The following LPIN1 variants were observed in gnomAD, a reference collection of about 807,000 sequenced individuals.
LPIN1 encodes the protein lipin 1.
LPIN1 carries 71 observed loss-of-function variants against 107.5 expected under a neutral mutation model. That is an observed-to-expected ratio of 0.66 (90% CI 0.55 to 0.80). The LOEUF (loss-of-function observed/expected upper bound fraction) is 0.80, where lower values mean the gene tolerates loss of function less well. LPIN1 is among the 30% of genes least tolerant of loss of function. LPIN1 has a pLI of 0.00. For synonymous variants in LPIN1, 445 were observed against 452.6 expected, an observed-to-expected ratio of 0.98 and a Z score of 0.21; for missense variants, 1,043 against 1,160.6, an observed-to-expected ratio of 0.90 and a Z score of 1.47.
Position 11,741,465 on chromosome 2 carries a change from G to C in LPIN1, c.9+37G>C, listed in dbSNP as rs1484883411. The C allele has an allele frequency of 7.1e-6, 10 of 1,414,338 alleles. No homozygotes were observed. In the Admixed American group the frequency reaches 1.6e-4, roughly 22 times the overall value. The allele number at this position is 1,414,338 out of a possible 1,614,324, so 87.6% of individuals were successfully genotyped here. ...TGTTCAGTAGTTCTATTACTGTTAAGGTGTTATGACCATTAGATAAATAAT... is the reference window on the plus strand; with the variant it reads ...TGTTCAGTAGTTCTATTACTGTTAACGTGTTATGACCATTAGATAAATAAT... On this transcript the variant is annotated intron_variant, in intron 2 of 21. Coordinates refer to the LPIN1 transcript ENST00000396097.
intron 1 of LPIN1, among the ~76,000 whole-genome samples, chr2:11,704,474 G>A (rs1663031384): frequency 1.3e-5 from 2 of 152,120 alleles, no homozygotes; most frequent in South Asian, 2.1e-4. Flanking sequence ...GTAGCAGCCC[G>A]CACTGGAGGT....
intron 1 of LPIN1, among the ~76,000 whole-genome samples, chr2:11,737,743 C>T (rs1665933756): frequency 6.6e-6 from 1 of 152,212 alleles, no homozygotes; most frequent in Non-Finnish European, 1.5e-5. Context: ...ACAACAGATG[C>T]TGGAGAGGAT....
In LPIN1 at chr2:11,728,928, A is replaced by C. The variant is rs184501865; in HGVS notation, c.-72+4389A>C. Among the ~76,000 whole-genome samples the C allele has an allele frequency of 2.8e-3, 428 of 151,864 alleles. 5 individuals are homozygous for C. The highest frequency in any genetic ancestry group is 5.0e-3 in the Non-Finnish European group (338 of 67,940). The stretch of plus-strand genomic sequence containing the variant: ...TTCATGAGATGAGTAGCTTGCAAAA[A>C]TTTTCTCCCATTCTGTAGGTTGCCC... On this transcript the variant is annotated intron_variant, in intron 1 of 21. Transcript: ENST00000396097.
chr2:11,700,477 CTCTCTCTCTCGCTCTCAT>C (rs1345614898), intron 1 of LPIN1, among the ~76,000 whole-genome samples: 1 of 151,350 alleles, frequency 6.6e-6, no homozygotes, highest in Non-Finnish European at 1.5e-5. Flanking sequence ...AGCTCTCTCT[CTCTCTCTCTCGCTCTCAT>C]TCTCTCTCTC....
upstream of LPIN1, chr2:11,677,577 C>A: frequency 1.7e-6 from 2 of 1,155,652 alleles, no homozygotes; most frequent in Non-Finnish European, 2.5e-6. Context: ...AGCTTCTGAG[C>A]CGGTGTTGCC....
At chr2:11,812,390 A>G (rs1679820911) in intron 17 of LPIN1, among the ~76,000 whole-genome samples, 1 of 152,096 alleles carries the variant, frequency 6.6e-6, no homozygotes, top group Admixed American at 6.5e-5. Flanking sequence ...GAGGGAAGGC[A>G]GAGCAAGGGC....
At chr2:11,801,676 C>G (rs947213051) in intron 14 of LPIN1, among the ~76,000 whole-genome samples, 7 of 152,072 alleles carry the variant, frequency 4.6e-5, no homozygotes, top group African/African-American at 7.2e-5. Context: ...GGAATAAGTT[C>G]TAGCGTTTGA....
chr2:11,752,009 T>C (rs1176517928), intron 1 of LPIN1, among the ~76,000 whole-genome samples: 1 of 152,232 alleles, frequency 6.6e-6, no homozygotes, highest in East Asian at 1.9e-4. Flanking sequence ...CATTTTACAA[T>C]GTGGATGGCC....
At chr2:11,767,978 G>A (rs190571885) in intron 3 of LPIN1, 120 bp downstream of exon 3, 4 of 740,620 alleles carry the variant, frequency 5.4e-6, no homozygotes, top group Admixed American at 4.0e-5. Flanking sequence ...GGACGATGGG[G>A]CAGAGAAAAG....
intron 14 of LPIN1, among the ~76,000 whole-genome samples, chr2:11,797,081 C>T (rs563494600): frequency 7.5e-4 from 114 of 152,320 alleles, no homozygotes; most frequent in African/African-American, 2.6e-3. Context: ...TGCGTGCTCT[C>T]AGCAACTTAA....
In LPIN1 at chr2:11,784,791, A is replaced by C. The variant is rs1039557697; in HGVS notation, c.1359-95A>C. 3 of 1,146,066 alleles carry C rather than the reference A, an allele frequency of 2.6e-6. No individual in the cohort carries two copies. The African/African-American group carries it at 4.5e-5, about 17-fold the overall frequency. The allele number at this position is 1,146,066 out of a possible 1,614,324, so 71.0% of individuals were successfully genotyped here. On this transcript the variant is annotated intron_variant, in intron 9 of 20. Transcript: ENST00000674199. The stretch of plus-strand genomic sequence containing the variant: ...TGAGATGCAGCCGTCTGCGGCTCTG[A>C]GGGTGGCCGCGTGCCAGAGCATCAC...
rs557673448 is a variant in LPIN1, at chr2:11,709,172, C to G, written c.82-4584C>G. On this transcript the variant is annotated intron_variant, in intron 1 of 21. Transcript: ENST00000449576. ...TAAAACATCATCCCTTTCACCCCATCTCCCCCCTACTCAGAGCAAACCTTC... is the reference window on the plus strand; with the variant it reads ...TAAAACATCATCCCTTTCACCCCATGTCCCCCCTACTCAGAGCAAACCTTC... 5.5e-4 allele frequency among the ~76,000 whole-genome samples: 84 copies of G among 152,358 alleles called. No individual in the cohort carries two copies. In the South Asian group the frequency reaches 9.9e-3, roughly 18 times the overall value.
At position 11,795,416 on chromosome 2, in the gene LPIN1, G is replaced by A; in HGVS notation, c.1815G>A (p.Lys605=). ...GRNTTIKEES[K]PEQCLAGKAH... is the part of the protein sequence containing the mutation. Reference sequence around the variant, plus strand: ...CTTTTCTTCTTTTCTAGGAAAGTAAGCCAGAGCAGTGCTTGGCTGGCAAGG... The same window carrying A: ...CTTTTCTTCTTTTCTAGGAAAGTAAACCAGAGCAGTGCTTGGCTGGCAAGG... The change falls in exon 14 of 21, where the codon AAG becomes AAA. Residue 605 remains lysine, a synonymous_variant. Coordinates refer to ENST00000674199, the MANE Select transcript of LPIN1 (RefSeq NM_001349206.2). 6.2e-7 allele frequency: 1 copy of A among 1,613,938 alleles called. No homozygotes were observed. The highest frequency in any genetic ancestry group is 8.5e-7 in the Non-Finnish European group (1 of 1,179,934).
At chr2:11,681,712 A>C (rs1219792923) in intron 1 of LPIN1, among the ~76,000 whole-genome samples, 1 of 152,134 alleles carries the variant, frequency 6.6e-6, no homozygotes, top group African/African-American at 2.4e-5. Context: ...TTGGGTCTCC[A>C]GGGAGGTGAC....
chr2:11,771,338 G>T lies in LPIN1; in HGVS notation c.289-34G>T. ...CCCTGCTTCTTATACCTGAATTAAC[G>T]AGGCTCTTTTTAGAAAATGTGTTCT... On this transcript the variant is annotated intron_variant, in intron 3 of 20. Transcript: ENST00000674199. This position sits in a 1 kb window ranked among gnomAD's most constrained non-coding sequence, Gnocchi z 4.8. The T allele has an allele frequency of 6.2e-7, 1 of 1,608,164 alleles. No homozygotes were observed.
chr2:11,735,956 A>G (rs577850066), intron 1 of LPIN1, among the ~76,000 whole-genome samples: 1 of 152,320 alleles, frequency 6.6e-6, no homozygotes, highest in South Asian at 2.1e-4. Flanking sequence ...GTGTCCTAGT[A>G]CTGTCACAGG....
chr2:11,734,679 T>C (rs1665605126), intron 1 of LPIN1, among the ~76,000 whole-genome samples: 1 of 152,160 alleles, frequency 6.6e-6, no homozygotes, highest in Non-Finnish European at 1.5e-5. Context: ...TGTTTACATT[T>C]CAAAGAGGCG....
rs892522293 is a variant in LPIN1, at chr2:11,803,160, C to T, written c.2013+127C>T. The T allele has an allele frequency of 3.5e-5, 45 of 1,285,556 alleles. No individual in the cohort carries two copies. Among genetic ancestry groups the T allele is most frequent in the Non-Finnish European group, 4.8e-5 (43 of 897,812 alleles). 79.6% of individuals were successfully genotyped at this position (1,285,556 alleles called of 1,614,324 possible). A position where few individuals can be genotyped will look rare whatever the true frequency, so the allele number is the denominator to read the frequency against. ...TTTCATCCCAGGGGGCCTGCAATCC[C>T]TCAACTGGGTACCCGCTGTTTCCAC... On this transcript the variant is annotated intron_variant, in intron 15 of 20. Coordinates refer to ENST00000674199, the MANE Select transcript of LPIN1 (RefSeq NM_001349206.2). This position sits in a 1 kb window ranked among gnomAD's most constrained non-coding sequence, Gnocchi z 4.2.
intron 18 of LPIN1, chr2:11,817,332 T>A (rs1344906726): frequency 6.6e-6 from 1 of 152,204 alleles, no homozygotes; most frequent in Non-Finnish European, 1.5e-5. Flanking sequence ...GGTGATCACT[T>A]AGCCTTTGTC....
Sources: allele counts gnomAD v4.1 joint callset (sites outside exome capture counted in the v4.1 genomes callset), GRCh38; gene constraint gnomAD v4.1.1; non-coding constraint Gnocchi (gnomAD v3.1); transcripts MANE v1.5; gene names NCBI Gene and HGNC (gene_info 2026-07-23, HGNC 2026-07-21).